GRIK1: variants seen among roughly 807,000 people sequenced by gnomAD.
The protein encoded by GRIK1 is glutamate receptor ionotropic, kainate 1.
In GRIK1, 69 loss-of-function variants were observed where a neutral mutation model predicts 105.7. The ratio of observed to expected loss-of-function variants is 0.65; its 90% CI spans 0.54 to 0.80. GRIK1 has a LOEUF of 0.80. Ranked by LOEUF, GRIK1 falls within the 30% of genes least tolerant of loss-of-function variation. The pLI is 0.00. For synonymous variants in GRIK1, 438 were observed against 431.3 expected (o/e 1.02, Z -0.19); for missense variants, 1,109 against 1,167.3 (o/e 0.95, Z 0.73).
At chr21:29,863,272 G>A (rs920794904) in intron 1 of GRIK1, among the ~76,000 whole-genome samples, 9 of 152,078 alleles carry the variant, frequency 5.9e-5, no homozygotes, top group Admixed American at 2.0e-4. Context: ...GATTCAGTAA[G>A]TCAGGGGTGG....
At chr21:29,737,334 T>G (rs563004852) in intron 1 of GRIK1, among the ~76,000 whole-genome samples, 1 of 152,286 alleles carries the variant, frequency 6.6e-6, no homozygotes, top group South Asian at 2.1e-4. Context: ...AAATTGGATT[T>G]TATTGGGTAA....
chr21:29,596,034 C>T (rs764615028), intron 9 of GRIK1: 3 of 255,248 alleles, frequency 1.2e-5, no homozygotes, highest in Non-Finnish European at 2.3e-5. Context: ...AAAGATAGCT[C>T]ATGAGAAAAG....
At chr21:29,693,513 G>A (rs920311183) in intron 2 of GRIK1, among the ~76,000 whole-genome samples, 3 of 152,148 alleles carry the variant, frequency 2.0e-5, no homozygotes, top group African/African-American at 4.8e-5. Flanking sequence ...AGTTATGTGT[G>A]TCCTGGGCAT....
At chr21:29,861,560 G>C (rs1340122326) in intron 1 of GRIK1, 1 of 219,972 alleles carries the variant, frequency 4.5e-6, no homozygotes, top group African/African-American at 3.8e-5. Flanking sequence ...TGCCCTCTTC[G>C]GCCTCCCAAA....
At chr21:29,725,022 AAAAAG>A (rs1447700543) in intron 1 of GRIK1, among the ~76,000 whole-genome samples, 1 of 151,806 alleles carries the variant, frequency 6.6e-6, no homozygotes, top group Non-Finnish European at 1.5e-5. Flanking sequence ...AAAAAAAAAA[AAAAAG>A]AAACTCTACT....
chr21:29,875,097 A>T (rs1601916914), intron 1 of GRIK1, among the ~76,000 whole-genome samples: 1 of 151,710 alleles, frequency 6.6e-6, no homozygotes, highest in Non-Finnish European at 1.5e-5. Flanking sequence ...AAATAATTAG[A>T]CTTGCAAAGA....
intron 1 of GRIK1, among the ~76,000 whole-genome samples, chr21:29,743,038 C>T (rs1042254890): frequency 4.7e-5 from 7 of 150,390 alleles, no homozygotes; most frequent in Non-Finnish European, 8.9e-5. Flanking sequence ...CCCTTCCTCA[C>T]TTCTTTTTTT....
intron 4 of GRIK1, among the ~76,000 whole-genome samples, chr21:29,663,671 AATAG>A (rs2063008960): frequency 6.6e-6 from 1 of 152,204 alleles, no homozygotes; most frequent in African/African-American, 2.4e-5. Flanking sequence ...TATTAGACAT[AATAG>A]ATATTTTTGC....
intron 1 of GRIK1, among the ~76,000 whole-genome samples, chr21:29,882,906 C>T (rs902977962): frequency 6.6e-6 from 1 of 152,010 alleles, no homozygotes; most frequent in Non-Finnish European, 1.5e-5. Context: ...ATACTAATAA[C>T]CAGGGGCTGC....
At chr21:29,922,569 G>T (rs1282280769) in intron 1 of GRIK1, among the ~76,000 whole-genome samples, 1 of 152,030 alleles carries the variant, frequency 6.6e-6, no homozygotes, top group Non-Finnish European at 1.5e-5. Context: ...AAAAAATTAT[G>T]ATCTATATTG....
At chr21:29,832,570 G>C (rs996016128) in intron 1 of GRIK1, among the ~76,000 whole-genome samples, 24 of 152,300 alleles carry the variant, frequency 1.6e-4, no homozygotes, top group African/African-American at 4.8e-4. Flanking sequence ...CTTATGGGTT[G>C]TACACTCTGG....
Position 29,596,508 on chromosome 21 carries a change from T to A in GRIK1, c.1251+18A>T, listed in dbSNP as rs1175264444. The A allele has an allele frequency of 1.3e-6, 2 of 1,573,660 alleles. No homozygotes were observed. Among genetic ancestry groups the A allele is most frequent in the East Asian group, 2.2e-5 (1 of 44,710 alleles). On this transcript the variant is annotated intron_variant, in intron 9 of 17. Transcript: ENST00000327783. ...ATCCCACCCCCAGGTTTCCTGCAGT[T>A]GTTGTCAGAGTACAAACCTTCTTCC...
chr21:29,802,994 GATT>G (rs2066755284), intron 1 of GRIK1, among the ~76,000 whole-genome samples: 1 of 152,138 alleles, frequency 6.6e-6, no homozygotes, highest in South Asian at 2.1e-4. Context: ...CTTATTAATT[GATT>G]ATTATCAAAG....
At chr21:29,585,975 G>A (rs565143588) in intron 12 of GRIK1, among the ~76,000 whole-genome samples, 43 of 152,240 alleles carry the variant, frequency 2.8e-4, no homozygotes, top group African/African-American at 8.9e-4. Flanking sequence ...CCTGGACTCC[G>A]TCCACTTGAT....
rs140298256 is a variant in GRIK1, at chr21:29,561,733, C to G, written c.2247G>C (p.Ala749=). The stretch of plus-strand genomic sequence containing the variant: ...CAATGCTGGTGGACTCCATCAGCAG[C>G]GCGTAGTCTGTGGTGAGCACTCTCT... ...GIQRVLTTDY[A]LLMESTSIEY... is the part of the protein sequence containing the mutation. The change falls in exon 15 of 18, where the codon GCG becomes GCC. Residue 749 remains alanine, a synonymous_variant. Transcript: ENST00000327783. The G allele has an allele frequency of 1.2e-6, 2 of 1,613,430 alleles. No individual in the cohort carries two copies. The highest frequency in any genetic ancestry group is 1.7e-6 in the Non-Finnish European group (2 of 1,179,360).
chr21:29,545,236 C>T (rs1337590802), intron 16 of GRIK1, among the ~76,000 whole-genome samples: 1 of 152,234 alleles, frequency 6.6e-6, no homozygotes, highest in Non-Finnish European at 1.5e-5. Flanking sequence ...GATAAGCTTC[C>T]AGTGGGCCTT....
intron 3 of GRIK1, among the ~76,000 whole-genome samples, chr21:29,682,934 A>G (rs1176055095): frequency 1.7e-5 from 2 of 115,772 alleles, no homozygotes; most frequent in Non-Finnish European, 3.2e-5. Flanking sequence ...ATCAACAAAC[A>G]AAAAAAAACC....
In GRIK1 at chr21:29,738,049, G is replaced by A. The variant is rs138796647; in HGVS notation, c.119-43986C>T. ...CAGAGTGGATTATTTAGAAATGGCT[G>A]AGAGCAACCATAGAGACAGCTCAAG... On this transcript the variant is annotated intron_variant, in intron 1 of 17. Coordinates refer to ENST00000327783, the MANE Select transcript of GRIK1 (RefSeq NM_001330994.2). Among the ~76,000 whole-genome samples, 78 of 152,340 alleles carry A rather than the reference G, an allele frequency of 5.1e-4. No individual in the cohort carries two copies. In the East Asian group the frequency reaches 0.011, roughly 22 times the overall value.
intron 1 of GRIK1, among the ~76,000 whole-genome samples, chr21:29,811,246 A>G (rs56360632): frequency 0.043 from 6,493 of 152,182 alleles, 199 homozygotes; most frequent in Non-Finnish European, 0.066. Context: ...TGGTTGAATT[A>G]TCCCTTGCTT....
Sources: gnomAD v4.1 joint callset for allele counts (sites outside exome capture counted in the v4.1 genomes callset) on GRCh38, gnomAD v4.1.1 for gene constraint, MANE v1.5 for transcripts, NCBI Gene and HGNC (gene_info 2026-07-23, HGNC 2026-07-21) for gene names.